OSBPL3: variants seen among roughly 807,000 people sequenced by gnomAD.
OSBPL3 encodes oxysterol binding protein like 3.
Under a neutral mutation model 120.1 loss-of-function variants are expected in OSBPL3, and 65 were observed. The ratio of observed to expected loss-of-function variants is 0.54; its 90% CI spans 0.44 to 0.67. OSBPL3 has a LOEUF of 0.67. Among genes scored for constraint, OSBPL3 ranks in the 30% least tolerant of loss-of-function variants. OSBPL3 has a pLI of 0.00. For missense variants in OSBPL3, 1,004 were observed against 1,082.1 expected (o/e 0.93, Z 1.01); for synonymous variants, 416 against 402.6 (o/e 1.03, Z -0.40).
At chr7:24,832,206 CAA>C (rs35738897) in intron 15 of OSBPL3, among the ~76,000 whole-genome samples, 119 of 95,596 alleles carry the variant, frequency 1.2e-3, no homozygotes, top group African/African-American at 3.3e-3. Flanking sequence ...GACCCTGTCT[CAA>C]AAAAAAAAAA....
rs1794632065 is a variant in OSBPL3, at chr7:24,817,605, T to A, written c.1949-917A>T. ...TGAGTGGAAATAATCAGGCCACTGATGTGATTAGACATGGACCTTGCAAAG... is the reference window on the plus strand; with the variant it reads ...TGAGTGGAAATAATCAGGCCACTGAAGTGATTAGACATGGACCTTGCAAAG... On this transcript the variant is annotated intron_variant, in intron 17 of 22. Coordinates refer to ENST00000313367, the MANE Select transcript of OSBPL3 (RefSeq NM_015550.4). This position sits in a 1 kb window ranked among gnomAD's most constrained non-coding sequence, Gnocchi z 4.0. Among the ~76,000 whole-genome samples, 1 of 152,146 alleles carries A rather than the reference T, an allele frequency of 6.6e-6. No homozygotes were observed. The highest frequency in any genetic ancestry group is 6.5e-5 in the Admixed American group (1 of 15,280).
chr7:24,830,332 C>T lies in OSBPL3; in HGVS notation c.1884+436G>A, dbSNP rs1388565226. Among the ~76,000 whole-genome samples the T allele has an allele frequency of 6.6e-6, 1 of 152,040 alleles. No homozygotes were observed. The highest frequency in any genetic ancestry group is 1.5e-5 in the Non-Finnish European group (1 of 68,010). On this transcript the variant is annotated intron_variant, in intron 16 of 22. Coordinates refer to ENST00000313367, the MANE Select transcript of OSBPL3 (RefSeq NM_015550.4). The surrounding 1 kb of genome is among the most constrained non-coding windows in gnomAD (Gnocchi z 4.4). ...ATTTATTGATGTGAATGAATAAATA[C>T]ATGAATGAATGATTCCTCTCAAATC...
chr7:24,903,846 T>A (rs1244361188), intron 1 of OSBPL3, among the ~76,000 whole-genome samples: 1 of 151,620 alleles, frequency 6.6e-6, no homozygotes, highest in African/African-American at 2.4e-5. Flanking sequence ...TTCATCAGGC[T>A]GTGTCCTCCC....
intron 20 of OSBPL3, among the ~76,000 whole-genome samples, chr7:24,807,802 T>C (rs1338174540): frequency 6.6e-6 from 1 of 152,210 alleles, no homozygotes; most frequent in Admixed American, 6.5e-5. Flanking sequence ...CAAATTTACA[T>C]ATTGTATAAA....
chr7:24,923,790 C>A (rs1327959996), intron 1 of OSBPL3, among the ~76,000 whole-genome samples: 1 of 152,150 alleles, frequency 6.6e-6, no homozygotes, highest in Non-Finnish European at 1.5e-5. Context: ...GCTCTGTCTG[C>A]TGAGTGGGAG....
chr7:24,974,231 C>T (rs1018134093), intron 1 of OSBPL3, among the ~76,000 whole-genome samples: 5 of 152,190 alleles, frequency 3.3e-5, no homozygotes, highest in African/African-American at 9.7e-5. Context: ...CGTCAGCTCA[C>T]GGACAGCCTT....
At chr7:24,935,593 G>A (rs1812312080) in intron 1 of OSBPL3, among the ~76,000 whole-genome samples, 1 of 151,998 alleles carries the variant, frequency 6.6e-6, no homozygotes, top group African/African-American at 2.4e-5. Flanking sequence ...ATACAATTTA[G>A]ATTATAAAGT....
chr7:24,809,702 G>T (rs989293835), intron 20 of OSBPL3, 105 bp downstream of exon 20: 4 of 1,035,136 alleles, frequency 3.9e-6, no homozygotes, highest in African/African-American at 3.2e-5. Flanking sequence ...AGCAGAAGAG[G>T]CTGGAGATGC....
At position 24,802,553 on chromosome 7, in the gene OSBPL3, T is replaced by C. The variant is rs534571874; in HGVS notation, c.2567+1762A>G. 6.6e-6 allele frequency among the ~76,000 whole-genome samples: 1 copy of C among 152,346 alleles called. No individual in the cohort carries two copies. The highest frequency in any genetic ancestry group is 1.9e-4 in the East Asian group (1 of 5,186). On this transcript the variant is annotated intron_variant, in intron 22 of 22. Coordinates refer to ENST00000313367, the MANE Select transcript of OSBPL3 (RefSeq NM_015550.4). This position sits in a 1 kb window ranked among gnomAD's most constrained non-coding sequence, Gnocchi z 4.1. ...TGACAGCATAATCACATTCTGTATC[T>C]TGCATTTACATGGTAATGTGTTTCC...
chr7:24,923,292 GC>G (rs1332375275), intron 1 of OSBPL3, among the ~76,000 whole-genome samples: 1 of 152,050 alleles, frequency 6.6e-6, no homozygotes, highest in Non-Finnish European at 1.5e-5. Flanking sequence ...CCTAGAACCA[GC>G]CTCTTCCACT....
At position 24,804,530 on chromosome 7, in the gene OSBPL3, A is replaced by G; in HGVS notation, c.2445-93T>C. The G allele has an allele frequency of 8.1e-7, 1 of 1,234,022 alleles. No individual in the cohort carries two copies. The highest frequency in any genetic ancestry group is 1.1e-6 in the Non-Finnish European group (1 of 874,492). 76.4% of individuals were successfully genotyped at this position (1,234,022 alleles called of 1,614,324 possible). On this transcript the variant is annotated intron_variant, in intron 21 of 22. Coordinates refer to ENST00000313367, the MANE Select transcript of OSBPL3 (RefSeq NM_015550.4). This position sits in a 1 kb window ranked among gnomAD's most constrained non-coding sequence, Gnocchi z 5.4. ...AACTTGCATGTGTCCACGACTGGAT[A>G]TTCAAAATCCTCTCCTATACGTAAG...
At position 24,930,878 on chromosome 7, in the gene OSBPL3, C is replaced by T. The variant is rs1452329231; in HGVS notation, c.-149-38257G>A. ...CTATATCCAAAAACAAGTAGGCAAACCTCTCTCCAATCCAAATGCCAAATA... is the reference window on the plus strand; with the variant it reads ...CTATATCCAAAAACAAGTAGGCAAATCTCTCTCCAATCCAAATGCCAAATA... On this transcript the variant is annotated intron_variant, in intron 1 of 22. Coordinates refer to ENST00000313367, the MANE Select transcript of OSBPL3 (RefSeq NM_015550.4). This position sits in a 1 kb window ranked among gnomAD's most constrained non-coding sequence, Gnocchi z 4.4. Among the ~76,000 whole-genome samples the T allele has an allele frequency of 6.6e-6, 1 of 152,196 alleles. No homozygotes were observed. Among genetic ancestry groups the T allele is most frequent in the Non-Finnish European group, 1.5e-5 (1 of 68,040 alleles).
rs553102480 is a variant in OSBPL3, at chr7:24,852,559, T to A, written c.1103A>T (p.Asp368Val). The A allele has an allele frequency of 8.7e-5, 140 of 1,608,866 alleles. No homozygotes were observed. Among genetic ancestry groups the A allele is most frequent in the South Asian group, 8.0e-4 (72 of 89,870 alleles). Residue 368 changes from aspartate (D) to valine (V), a missense_variant, in exon 11 of 23, where the codon GAT (aspartate) becomes GTT (valine). Around this residue, in one of 4 missense-constraint regions of OSBPL3, gnomAD observed 272 missense variants for 248.8 expected, o/e 1.09. Coordinates refer to ENST00000313367, the MANE Select transcript of OSBPL3 (RefSeq NM_015550.4). This position sits in a 1 kb window ranked among gnomAD's most constrained non-coding sequence, Gnocchi z 4.1. ...CTGAGCAGACGGGGAGGAGGAGGCATCCTGCTCCATCAGCTGCTTCAGTTT... is the reference window on the plus strand; with the variant it reads ...CTGAGCAGACGGGGAGGAGGAGGCAACCTGCTCCATCAGCTGCTTCAGTTT... Reference protein sequence around the residue: ...REKLKQLMEQDASSSPSAQVI... With the variant: ...REKLKQLMEQVASSSPSAQVI...
chr7:24,800,171 T>G lies in OSBPL3; in HGVS notation c.*12A>C, dbSNP rs999217782. 1.3e-6 allele frequency: 2 copies of G among 1,481,520 alleles called. No homozygotes were observed. Among genetic ancestry groups the G allele is most frequent in the Admixed American group, 3.3e-5 (2 of 59,826 alleles). The allele number at this position is 1,481,520 out of a possible 1,614,324, so 91.8% of individuals were successfully genotyped here. On this transcript the variant is annotated 3_prime_UTR_variant, in exon 23 of 23. Transcript: ENST00000313367. ...GAGAAATACACTAATGTTATCTTTC[T>G]TCTTTACTTTTTCACCATAAGACAG...
chr7:24,863,393 G>A lies in OSBPL3; in HGVS notation c.778-101C>T. On this transcript the variant is annotated intron_variant, in intron 8 of 22. Transcript: ENST00000313367. The surrounding 1 kb of genome is among the most constrained non-coding windows in gnomAD (Gnocchi z 5.8). ...GACCACCTCCATCCCCTTGACTTTGGCTGAAGCAACTGACCACAGCATCCC... is the reference window on the plus strand; with the variant it reads ...GACCACCTCCATCCCCTTGACTTTGACTGAAGCAACTGACCACAGCATCCC... 7.2e-7 allele frequency: 1 copy of A among 1,391,598 alleles called. No homozygotes were observed. Among genetic ancestry groups the A allele is most frequent in the Non-Finnish European group, 1.0e-6 (1 of 977,846 alleles). The allele number at this position is 1,391,598 out of a possible 1,614,324, so 86.2% of individuals were successfully genotyped here. A position where few individuals can be genotyped will look rare whatever the true frequency, so the allele number is the denominator to read the frequency against.
intron 13 of OSBPL3, 35 bp from the exon 14 acceptor site, chr7:24,840,818 A>G: frequency 2.1e-6 from 2 of 947,098 alleles, no homozygotes; most frequent in South Asian, 1.5e-5. Flanking sequence ...CATTAGAGTT[A>G]GAATAAACAA....
rs533358693 is a variant in OSBPL3, at chr7:24,868,147, T to C, written c.382-1910A>G. 1.2e-3 allele frequency among the ~76,000 whole-genome samples: 184 copies of C among 152,048 alleles called. 1 individual carries two copies. The highest frequency in any genetic ancestry group is 4.2e-3 in the African/African-American group (176 of 41,454). ...TCCTGGCCAACATGGTGAAACCCTG[T>C]CTCTACTAAAAATACAAAAATTAGC... On this transcript the variant is annotated intron_variant, in intron 5 of 22. Coordinates refer to ENST00000313367, the MANE Select transcript of OSBPL3 (RefSeq NM_015550.4).
Position 24,937,352 on chromosome 7 carries a change from A to G in OSBPL3, c.-150+42534T>C, listed in dbSNP as rs1158083818. Among the ~76,000 whole-genome samples the G allele has an allele frequency of 1.3e-5, 2 of 152,210 alleles. No homozygotes were observed. The highest frequency in any genetic ancestry group is 4.8e-5 in the African/African-American group (2 of 41,458). ...CTTTGGGTGGGAACACAGCCAAACC[A>G]TATCAGTAAATTTTTATTTCAATTG... is the stretch of plus-strand genomic sequence containing the variant. On this transcript the variant is annotated intron_variant, in intron 1 of 22. Transcript: ENST00000313367. The surrounding 1 kb of genome is among the most constrained non-coding windows in gnomAD (Gnocchi z 4.0).
chr7:24,805,132 G>A lies in OSBPL3; in HGVS notation c.2445-695C>T, dbSNP rs2128101743. ...AGAAGTGAAATTGCTGGATGAAAGG[G>A]TGAGTGTGTAATTTATATATTACTG... On this transcript the variant is annotated intron_variant, in intron 21 of 22. Coordinates refer to ENST00000313367, the MANE Select transcript of OSBPL3 (RefSeq NM_015550.4). The surrounding 1 kb of genome is among the most constrained non-coding windows in gnomAD (Gnocchi z 4.0). 6.6e-6 allele frequency among the ~76,000 whole-genome samples: 1 copy of A among 152,288 alleles called. No homozygotes were observed. Among genetic ancestry groups the A allele is most frequent in the South Asian group, 2.1e-4 (1 of 4,830 alleles).
Sources: gnomAD v4.1 joint callset for allele counts (sites outside exome capture counted in the v4.1 genomes callset) on GRCh38, gnomAD v4.1.1 for gene constraint, gnomAD v4.1.1 regional missense constraint, Gnocchi (gnomAD v3.1) non-coding constraint, MANE v1.5 for transcripts, NCBI Gene and HGNC (gene_info 2026-07-23, HGNC 2026-07-21) for gene names.